ULK4: variants seen among roughly 807,000 people sequenced by gnomAD.
ULK4 encodes the protein inactive serine/threonine-protein kinase ULK4.
A neutral mutation model predicts 160.6 loss-of-function variants in ULK4; 133 were observed. The observed-to-expected ratio is 0.83, with a 90% confidence interval of 0.72 to 0.96. ULK4 has a LOEUF of 0.96. Ranked by LOEUF, ULK4 falls within the 40% of genes least tolerant of loss-of-function variation. ULK4 has a pLI of 0.00. For synonymous variants in ULK4, 534 were observed against 539.8 expected (o/e 0.99, Z 0.15); for missense variants, 1,580 against 1,499.5 (o/e 1.05, Z -0.89).
At chr3:41,803,483 TTTATTA>T (rs966057615) in intron 19 of ULK4, among the ~76,000 whole-genome samples, 24 of 151,808 alleles carry the variant, frequency 1.6e-4, no homozygotes, top group South Asian at 4.1e-4. Context: ...AGCTTTCTTT[TTTATTA>T]TTATTATTAT....
chr3:41,629,620 G>A (rs914532802), intron 30 of ULK4, among the ~76,000 whole-genome samples: 15 of 152,132 alleles, frequency 9.9e-5, no homozygotes, highest in Admixed American at 3.9e-4. Flanking sequence ...CATGTGGAAT[G>A]GGAAATATTA....
intron 30 of ULK4, among the ~76,000 whole-genome samples, chr3:41,634,959 TAAAG>T (rs1430274868): frequency 6.6e-6 from 1 of 152,122 alleles, no homozygotes; most frequent in Admixed American, 6.6e-5. Flanking sequence ...TATCAACACT[TAAAG>T]AGTTAGTAGG....
chr3:41,398,327 A>C (rs61627655), intron 34 of ULK4, 63 bp from the exon 35 acceptor site: 56 of 1,559,458 alleles, frequency 3.6e-5, no homozygotes, highest in Admixed American at 8.2e-5. Context: ...CTCAAAAAAA[A>C]CACAGTAAAA....
intron 30 of ULK4, among the ~76,000 whole-genome samples, chr3:41,651,076 C>A (rs2034722353): frequency 6.6e-6 from 1 of 152,142 alleles, no homozygotes; most frequent in Admixed American, 6.5e-5. Context: ...ATCCACTGCA[C>A]CAGGCTTTTG....
At chr3:41,446,680 G>T (rs914783238) in intron 34 of ULK4, among the ~76,000 whole-genome samples, 1 of 133,260 alleles carries the variant, frequency 7.5e-6, no homozygotes, top group Non-Finnish European at 1.5e-5. Context: ...TGAACAATGA[G>T]AACACATGGA....
intron 16 of ULK4, among the ~76,000 whole-genome samples, chr3:41,886,856 A>C (rs1268504386): frequency 2.0e-5 from 3 of 152,172 alleles, no homozygotes; most frequent in African/African-American, 7.2e-5. Flanking sequence ...TACAAGTGTG[A>C]GCCACCGCGC....
intron 35 of ULK4, among the ~76,000 whole-genome samples, chr3:41,341,936 G>A (rs2080694753): frequency 6.6e-6 from 1 of 152,190 alleles, no homozygotes; most frequent in Non-Finnish European, 1.5e-5. Context: ...TCAAAAAGGA[G>A]CTTCCTGAAC....
intron 27 of ULK4, among the ~76,000 whole-genome samples, chr3:41,690,665 C>T (rs1044359582): frequency 6.6e-6 from 1 of 151,652 alleles, no homozygotes; most frequent in African/African-American, 2.4e-5. Context: ...CTACCCCCAT[C>T]CCCTTTCTTC....
chr3:41,730,764 G>A (rs954513084), intron 22 of ULK4, among the ~76,000 whole-genome samples: 37 of 152,094 alleles, frequency 2.4e-4, no homozygotes, highest in Admixed American at 1.1e-3. Flanking sequence ...CTCATTCTAC[G>A]GTATCACTTT....
intron 35 of ULK4, among the ~76,000 whole-genome samples, chr3:41,264,222 C>A (rs1392114529): frequency 2.0e-5 from 3 of 152,130 alleles, no homozygotes; most frequent in Non-Finnish European, 4.4e-5. Flanking sequence ...GAAGCAGGGA[C>A]CAGCTGGAAG....
chr3:41,948,637 T>A (rs962470898), intron 2 of ULK4, among the ~76,000 whole-genome samples: 2 of 149,138 alleles, frequency 1.3e-5, no homozygotes, highest in African/African-American at 4.9e-5. Flanking sequence ...TACGAAAATG[T>A]AATATACCAC....
intron 17 of ULK4, among the ~76,000 whole-genome samples, chr3:41,849,480 G>C (rs749149523): frequency 6.6e-6 from 1 of 152,066 alleles, no homozygotes; most frequent in Non-Finnish European, 1.5e-5. Context: ...GGCTGCCAGG[G>C]GTTAGGGGAA....
At chr3:41,283,079 A>C (rs1377739796) in intron 35 of ULK4, among the ~76,000 whole-genome samples, 1 of 152,258 alleles carries the variant, frequency 6.6e-6, no homozygotes, top group Non-Finnish European at 1.5e-5. Context: ...AGAAATGCAA[A>C]TCAAAACCAT....
intron 31 of ULK4, among the ~76,000 whole-genome samples, chr3:41,587,907 G>A (rs2030952455): frequency 6.7e-6 from 1 of 149,852 alleles, no homozygotes; most frequent in Admixed American, 6.6e-5. Context: ...CAATTGAAAA[G>A]TGATCTTCTG....
At chr3:41,566,709 T>C (rs2087794756) in intron 31 of ULK4, among the ~76,000 whole-genome samples, 1 of 152,200 alleles carries the variant, frequency 6.6e-6, no homozygotes, top group African/African-American at 2.4e-5. Flanking sequence ...TCAGTTGCAA[T>C]TTCTCATTTT....
chr3:41,300,741 A>G (rs2079769867), intron 35 of ULK4, among the ~76,000 whole-genome samples: 1 of 150,756 alleles, frequency 6.6e-6, no homozygotes, highest in Non-Finnish European at 1.5e-5. Flanking sequence ...GCCATGATAC[A>G]AGTGATTTGT....
chr3:41,670,097 T>C (rs560842775), intron 29 of ULK4, among the ~76,000 whole-genome samples: 3 of 152,308 alleles, frequency 2.0e-5, no homozygotes, highest in African/African-American at 7.2e-5. Context: ...TGTGTTAAAA[T>C]GCAAATCTGA....
chr3:41,637,327 T>C (rs72862150), intron 30 of ULK4, among the ~76,000 whole-genome samples: 9,323 of 152,232 alleles, frequency 0.061, 968 homozygotes, highest in African/African-American at 0.21. Context: ...TTTGACTTAA[T>C]ATAACATCCT....
intron 32 of ULK4, among the ~76,000 whole-genome samples, chr3:41,561,450 T>C (rs368184512): frequency 6.6e-6 from 1 of 152,210 alleles, no homozygotes; most frequent in East Asian, 1.9e-4. Context: ...TAACAGCTCC[T>C]CTTTGTACCT....
Sources: gnomAD v4.1 joint callset for allele counts (sites outside exome capture counted in the v4.1 genomes callset) on GRCh38, gnomAD v4.1.1 for gene constraint, MANE v1.5 for transcripts, NCBI Gene and HGNC (gene_info 2026-07-23, HGNC 2026-07-21) for gene names.